SDCBP2: variants seen among roughly 807,000 people sequenced by gnomAD.
SDCBP2 encodes the protein syntenin-2.
In SDCBP2, 28 loss-of-function variants were observed where a neutral mutation model predicts 30.7. That is an observed-to-expected ratio of 0.91 (90% CI 0.68 to 1.25). The LOEUF is 1.25. SDCBP2 is among the 50% of genes most tolerant of loss of function. The probability of loss-of-function intolerance (pLI) is 0.00; values close to 1 mark genes in which losing one functional copy is unlikely to be tolerated. For missense variants in SDCBP2, 399 were observed against 379.0 expected, an observed-to-expected ratio of 1.05 and a Z score of -0.44; for synonymous variants, 166 against 157.3, an observed-to-expected ratio of 1.06 and a Z score of -0.41.
chr20:1,319,635 T>C lies in SDCBP2; in HGVS notation c.79A>G (p.Met27Val). 6.4e-7 allele frequency: 1 copy of C among 1,569,592 alleles called. No individual in the cohort carries two copies. The highest frequency in any genetic ancestry group is 2.3e-5 in the East Asian group (1 of 43,330). Residue 27 changes from methionine to valine, a missense_variant, in exon 3 of 9, where the codon ATG becomes GTG. Met to Val is a conservative substitution (Grantham distance 21). Coordinates refer to ENST00000360779, the MANE Select transcript of SDCBP2 (RefSeq NM_080489.5). ...GTTGCCTGGACTGGCAGGGCTGGCA[T>C]CTTGGGTGAGGCTCTGACCTGGGCC... is the stretch of plus-strand genomic sequence containing the variant. ...IQAQVRASPK[M>V]PALPVQATAI...
chr20:1,312,450 T>A lies in SDCBP2; in HGVS notation c.619A>T (p.Ile207Phe). The change falls in exon 7 of 9, where the codon ATC (isoleucine) becomes TTC (phenylalanine). Residue 207 changes from isoleucine to phenylalanine, a missense_variant. Physicochemically the swap from Ile to Phe is conservative, Grantham distance 21. Transcript: ENST00000360779. ...KDSMGHVGFV[I>F]KKGKIVSLVK... ...AGAGAGACAATCTTCCCCTTCTTGA[T>A]CACGAAGCCGACGTGGCCCATGCTG... The A allele has an allele frequency of 6.2e-7, 1 of 1,614,110 alleles. No homozygotes were observed. Among genetic ancestry groups the A allele is most frequent in the Non-Finnish European group, 8.5e-7 (1 of 1,179,992 alleles).
chr20:1,318,004 C>G (rs535535400), intron 4 of SDCBP2: 13 of 402,480 alleles, frequency 3.2e-5, no homozygotes, highest in South Asian at 2.3e-4. Flanking sequence ...GCAGGCAGCC[C>G]TGCTTTTGAT....
In SDCBP2 at chr20:1,310,174, A is replaced by G. The variant is rs2088638876; in HGVS notation, c.*267T>C. 2 of 381,386 alleles carry G rather than the reference A, an allele frequency of 5.2e-6. No homozygotes were observed. Among genetic ancestry groups the G allele is most frequent in the Non-Finnish European group, 9.4e-6 (2 of 212,700 alleles). The allele number at this position is 381,386 out of a possible 1,614,324, so 23.6% of individuals were successfully genotyped here. A position where few individuals can be genotyped will look rare whatever the true frequency, so the allele number is the denominator to read the frequency against. On this transcript the variant is annotated 3_prime_UTR_variant, in exon 9 of 9. Transcript: ENST00000360779. ...TTGCGACTTTAAGCAGCGTTTAAAC[A>G]GCCTGCCTCCGTGTCCAGCATTTAA...
chr20:1,315,076 G>C (rs6109401), intron 4 of SDCBP2, among the ~76,000 whole-genome samples: 32,423 of 152,188 alleles, frequency 0.21, 3,739 homozygotes, highest in Non-Finnish European at 0.25. Context: ...AATAGCGAGA[G>C]GAATCACCAC....
chr20:1,318,151 T>C (rs1274121043), intron 4 of SDCBP2, 167 bp downstream of exon 4: 1 of 659,138 alleles, frequency 1.5e-6, no homozygotes, highest in Non-Finnish European at 2.8e-6. Flanking sequence ...GTGGTTTTCG[T>C]GAAGCCTCAA....
At chr20:1,314,906 A>G (rs1430865259) in intron 4 of SDCBP2, among the ~76,000 whole-genome samples, 1 of 152,236 alleles carries the variant, frequency 6.6e-6, no homozygotes, top group Non-Finnish European at 1.5e-5. Context: ...TGTTGAAAGA[A>G]TTAGTAAAGC....
At chr20:1,323,559 C>T (rs1209376153) in intron 1 of SDCBP2, 1 of 152,162 alleles carries the variant, frequency 6.6e-6, no homozygotes. Context: ...TCTCTGGATC[C>T]CATCTTAGTG....
chr20:1,328,050 G>A (rs2122555795), intron 1 of SDCBP2, among the ~76,000 whole-genome samples: 1 of 152,326 alleles, frequency 6.6e-6, no homozygotes, highest in Non-Finnish European at 1.5e-5. Flanking sequence ...CTGGCTGGGT[G>A]GGGTGACATT....
Position 1,313,457 on chromosome 20 carries a change from C to A in SDCBP2, c.267G>T (p.Pro89=), listed in dbSNP as rs141940205. ...SGPGPGQMVA[P]VTGYSLGVRR... ...GCACGCCCAGGCTGTACCCGGTTACCGGTGCCACCATCTGGCCGGGCCCGG... is the reference window on the plus strand; with the variant it reads ...GCACGCCCAGGCTGTACCCGGTTACAGGTGCCACCATCTGGCCGGGCCCGG... The change falls in exon 5 of 9, where the codon CCG becomes CCT. Residue 89 remains proline (P), a synonymous_variant. Transcript: ENST00000360779. This position sits in a 1 kb window ranked among gnomAD's most constrained non-coding sequence, Gnocchi z 5.2. The A allele has an allele frequency of 6.2e-7, 1 of 1,600,296 alleles. No individual in the cohort carries two copies. Among genetic ancestry groups the A allele is most frequent in the Non-Finnish European group, 8.5e-7 (1 of 1,175,650 alleles).
At chr20:1,328,995 G>A (rs1427843052) in intron 1 of SDCBP2, 90 bp downstream of exon 1, 1 of 152,438 alleles carries the variant, frequency 6.6e-6, no homozygotes, top group East Asian at 1.9e-4. Context: ...TCCCAGAAGG[G>A]AAGGGGCAGG....
chr20:1,319,499 C>T (rs2088824208), intron 3 of SDCBP2, 91 bp downstream of exon 3: 9 of 1,330,710 alleles, frequency 6.8e-6, no homozygotes, highest in Admixed American at 4.0e-5. Flanking sequence ...ACCCTGGAGC[C>T]TCCCATACCT....
In SDCBP2 at chr20:1,321,881, T is replaced by C. The variant is rs2088854707; in HGVS notation, c.-19-1446A>G. The C allele has an allele frequency of 6.6e-6, 1 of 152,228 alleles. No individual in the cohort carries two copies. Among genetic ancestry groups the C allele is most frequent in the Non-Finnish European group, 1.5e-5 (1 of 68,060 alleles). 9.4% of individuals were successfully genotyped at this position (152,228 alleles called of 1,614,324 possible). ...CACTGCTCCCAAAAAACAGGAAGCT[T>C]TGGCAACCCTAGGCTATAGCAGAGT... On this transcript the variant is annotated intron_variant, in intron 1 of 8. Transcript: ENST00000360779. This position sits in a 1 kb window ranked among gnomAD's most constrained non-coding sequence, Gnocchi z 5.2.
At position 1,313,334 on chromosome 20, in the gene SDCBP2, C is replaced by T; in HGVS notation, c.384+6G>A. ...CTCCTCTTCCCACCCAGCCCCCGCG[C>T]CCTACCTGGTCGACCTTCCGCAGCC... is the stretch of plus-strand genomic sequence containing the variant. On this transcript the variant is annotated splice_donor_region_variant and intron_variant, in intron 5 of 8. Coordinates refer to ENST00000360779, the MANE Select transcript of SDCBP2 (RefSeq NM_080489.5). The surrounding 1 kb of genome is among the most constrained non-coding windows in gnomAD (Gnocchi z 5.2). 1 of 1,610,550 alleles carries T rather than the reference C, an allele frequency of 6.2e-7. No individual in the cohort carries two copies. Among genetic ancestry groups the T allele is most frequent in the East Asian group, 2.2e-5 (1 of 44,832 alleles).
chr20:1,318,325 C>T lies in SDCBP2; in HGVS notation c.218G>A (p.Gly73Asp). Residue 73 changes from glycine to aspartate, a missense_variant, in exon 4 of 9, where the codon GGT becomes GAT. Transcript: ENST00000360779. ...VQESLLQIPE[G>D]DSTAVSGPGP... ...CAGAAGCCAAATACATACACTGTCA[C>T]CCTCTGGAATCTGAAGCAGGCTCTC... The T allele has an allele frequency of 6.2e-7, 1 of 1,611,658 alleles. No individual in the cohort carries two copies.
intron 2 of SDCBP2, 71 bp from the exon 3 acceptor site, chr20:1,319,730 G>A: frequency 7.5e-7 from 1 of 1,335,168 alleles, no homozygotes; most frequent in Non-Finnish European, 1.0e-6. Context: ...GGAGCTCCAT[G>A]AGGCCAGGGT....
In SDCBP2 at chr20:1,320,304, C is replaced by T. The variant is rs1281062987; in HGVS notation, c.54+59G>A. 6.5e-7 allele frequency: 1 copy of T among 1,531,430 alleles called. No homozygotes were observed. The highest frequency in any genetic ancestry group is 2.2e-5 in the East Asian group (1 of 44,566). 94.9% of individuals were successfully genotyped at this position (1,531,430 alleles called of 1,614,324 possible). A position where few individuals can be genotyped will look rare whatever the true frequency, so the allele number is the denominator to read the frequency against. ...AGTGGCCCCAGTACCCAGCACCTTC[C>T]AGGGTAATCCCCAAGGTCCCCTTCA... On this transcript the variant is annotated intron_variant, in intron 2 of 8. Transcript: ENST00000360779. The surrounding 1 kb of genome is among the most constrained non-coding windows in gnomAD (Gnocchi z 4.7).
rs767121690 is a variant in SDCBP2, at chr20:1,313,438, C to T, written c.286G>A (p.Gly96Ser). 3 of 1,602,482 alleles carry T rather than the reference C, an allele frequency of 1.9e-6. No homozygotes were observed. Among genetic ancestry groups the T allele is most frequent in the East Asian group, 4.5e-5 (2 of 44,434 alleles). ...GGCTTGATCTCAGCTCGCCGCACGC[C>T]CAGGCTGTACCCGGTTACCGGTGCC... is the stretch of plus-strand genomic sequence containing the variant. ...MVAPVTGYSL[G>S]VRRAEIKPGV... Residue 96 changes from glycine to serine, a missense_variant, in exon 5 of 9, where the codon GGC becomes AGC. Coordinates refer to ENST00000360779, the MANE Select transcript of SDCBP2 (RefSeq NM_080489.5). This position sits in a 1 kb window ranked among gnomAD's most constrained non-coding sequence, Gnocchi z 5.2.
At chr20:1,327,532 C>G (rs1294977862) in intron 1 of SDCBP2, among the ~76,000 whole-genome samples, 1 of 152,218 alleles carries the variant, frequency 6.6e-6, no homozygotes, top group African/African-American at 2.4e-5. Flanking sequence ...CACTCCTCCT[C>G]TCAGTGCTGC....
At position 1,319,620 on chromosome 20, in the gene SDCBP2, C is replaced by G; in HGVS notation, c.94G>C (p.Val32Leu). Residue 32 changes from valine (V) to leucine (L), a missense_variant, in exon 3 of 9, where the codon GTC becomes CTC. Val to Leu is a conservative substitution (Grantham distance 32, BLOSUM62 1). Transcript: ENST00000360779. ...RASPKMPALP[V>L]QATAISPPPV... ...GGTGGGGAAATGGCTGTTGCCTGGACTGGCAGGGCTGGCATCTTGGGTGAG... is the reference window on the plus strand; with the variant it reads ...GGTGGGGAAATGGCTGTTGCCTGGAGTGGCAGGGCTGGCATCTTGGGTGAG... 6.4e-7 allele frequency: 1 copy of G among 1,571,002 alleles called. No homozygotes were observed. The highest frequency in any genetic ancestry group is 8.6e-7 in the Non-Finnish European group (1 of 1,157,456).
Sources: allele counts gnomAD v4.1 joint callset (sites outside exome capture counted in the v4.1 genomes callset), GRCh38; gene constraint gnomAD v4.1.1; non-coding constraint Gnocchi (gnomAD v3.1); transcripts MANE v1.5; gene names NCBI Gene and HGNC (gene_info 2026-07-23, HGNC 2026-07-21).